USP42: variants seen among roughly 807,000 people sequenced by gnomAD.
The protein encoded by USP42 is ubiquitin specific peptidase 42, also known as ubiquitin carboxyl-terminal hydrolase 42.
Under a neutral mutation model 113.0 loss-of-function variants are expected in USP42, and 23 were observed. That is an observed-to-expected ratio of 0.20 (90% CI 0.15 to 0.29). The LOEUF is 0.29. Among genes scored for constraint, USP42 ranks in the 10% least tolerant of loss-of-function variants. The pLI is 1.00. For missense variants in USP42, 2,174 were observed against 1,779.8 expected, an observed-to-expected ratio of 1.22 and a Z score of -3.99; for synonymous variants, 933 against 699.0, an observed-to-expected ratio of 1.33 and a Z score of -5.28.
chr7:6,123,980 T>G (rs1371668267), intron 3 of USP42, among the ~76,000 whole-genome samples: 1 of 152,062 alleles, frequency 6.6e-6, no homozygotes, highest in African/African-American at 2.4e-5. Context: ...GGTTCAACTC[T>G]GCCTCCTGCC....
In USP42 at chr7:6,157,585, A is replaced by G. The variant is rs886143793; in HGVS notation, c.3943+530A>G. Among the ~76,000 whole-genome samples the G allele has an allele frequency of 6.6e-6, 1 of 152,078 alleles. No individual in the cohort carries two copies. Among genetic ancestry groups the G allele is most frequent in the African/African-American group, 2.4e-5 (1 of 41,462 alleles). ...GCTAAATTTTGTGTTTTTAGTAGAG[A>G]CGGTGTTTCACCGTGTTAGCCAGGA... is the stretch of plus-strand genomic sequence containing the variant. On this transcript the variant is annotated intron_variant, in intron 16 of 17. Transcript: ENST00000306177. This position sits in a 1 kb window ranked among gnomAD's most constrained non-coding sequence, Gnocchi z 4.1.
chr7:6,101,224 G>A (rs527532761), upstream of USP42, among the ~76,000 whole-genome samples: 2 of 151,144 alleles, frequency 1.3e-5, no homozygotes, highest in East Asian at 3.9e-4. Flanking sequence ...GACAAGGGAT[G>A]GAAGCATCCG....
chr7:6,115,576 T>C, intron 3 of USP42, 53 bp downstream of exon 3: 2 of 1,576,000 alleles, frequency 1.3e-6, no homozygotes, highest in South Asian at 1.1e-5. Context: ...CCTACTTTCA[T>C]TTTTTCCTCT....
Position 6,115,305 on chromosome 7 carries a change from T to C in USP42, c.242-18T>C. On this transcript the variant is annotated intron_variant, in intron 2 of 17. Coordinates refer to ENST00000306177, the MANE Select transcript of USP42 (RefSeq NM_032172.3). ...ATGCAAAGCTTGGTTTCTGACTCTT[T>C]CTTGTTTATTTTTCTAGCCCTAGGT... The C allele has an allele frequency of 6.2e-7, 1 of 1,612,670 alleles. No homozygotes were observed. The highest frequency in any genetic ancestry group is 8.5e-7 in the Non-Finnish European group (1 of 1,179,404).
At position 6,154,652 on chromosome 7, in the gene USP42, T is replaced by C; in HGVS notation, c.3098T>C (p.Val1033Ala). Residue 1033 changes from valine (V) to alanine (A), a missense_variant, in exon 15 of 18, where the codon GTC (valine) becomes GCC (alanine). By Grantham distance (64) the Val-to-Ala change is moderately conservative (BLOSUM62 0). Coordinates refer to ENST00000306177, the MANE Select transcript of USP42 (RefSeq NM_032172.3). ...CGGAGCGGGGTGGAGCTGGACTGGG[T>C]CAGACACCACTACACCGAGGGCGAG... ...RHRSGVELDW[V>A]RHHYTEGERG... 6.2e-7 allele frequency: 1 copy of C among 1,606,104 alleles called. No individual in the cohort carries two copies. Among genetic ancestry groups the C allele is most frequent in the South Asian group, 1.1e-5 (1 of 89,750 alleles).
Position 6,144,246 on chromosome 7 carries a change from T to G in USP42, c.990+50T>G, listed in dbSNP as rs763081290. The G allele has an allele frequency of 3.2e-6, 4 of 1,257,884 alleles. No homozygotes were observed. In the East Asian group the frequency reaches 1.0e-4, roughly 32 times the overall value. 77.9% of individuals were successfully genotyped at this position (1,257,884 alleles called of 1,614,324 possible). ...TGTTTTATGTCGAGCCTTTCGAAGC[T>G]TAACGTGTCTGTAGCTATTAAGGAT... On this transcript the variant is annotated intron_variant, in intron 9 of 17. Transcript: ENST00000306177.
chr7:6,090,090 G>A, the USP42 span, among the ~76,000 whole-genome samples: 3 of 145,906 alleles, frequency 2.1e-5, no homozygotes, highest in African/African-American at 7.8e-5. Context: ...ACCTGAGATC[G>A]GGAGTTCGAG....
At chr7:6,115,642 ATTC>A (rs1339686482) in intron 3 of USP42, 119 bp downstream of exon 3, 18 of 1,266,666 alleles carry the variant, frequency 1.4e-5, no homozygotes, top group Non-Finnish European at 1.7e-5. Context: ...AAGTTGGTTT[ATTC>A]TTTTAGAAAC....
intron 3 of USP42, among the ~76,000 whole-genome samples, chr7:6,129,534 G>A (rs1436633682): frequency 6.9e-6 from 1 of 144,982 alleles, no homozygotes. Flanking sequence ...TCCAGGCTGG[G>A]TGACAAAGTG....
intron 3 of USP42, among the ~76,000 whole-genome samples, chr7:6,126,614 T>G (rs1481864253): frequency 6.6e-6 from 1 of 152,212 alleles, no homozygotes; most frequent in Non-Finnish European, 1.5e-5. Context: ...TAACTACTTT[T>G]CCATTAAAGG....
chr7:6,154,144 G>A lies in USP42; in HGVS notation c.2590G>A (p.Glu864Lys), dbSNP rs753820844. 1 of 1,595,792 alleles carries A rather than the reference G, an allele frequency of 6.3e-7. No individual in the cohort carries two copies. The highest frequency in any genetic ancestry group is 1.3e-5 in the African/African-American group (1 of 74,698). The change falls in exon 15 of 18, where the codon GAG becomes AAG. Residue 864 changes from glutamate (E) to lysine (K), a missense_variant. By Grantham distance (56) the Glu-to-Lys change is moderately conservative (BLOSUM62 1). Coordinates refer to ENST00000306177, the MANE Select transcript of USP42 (RefSeq NM_032172.3). ...GLSPAPPARSEEPCEQPLLVH... is the reference protein window; with the variant it reads ...GLSPAPPARSKEPCEQPLLVH... The stretch of plus-strand genomic sequence containing the variant: ...GAGTCCGGCTCCGCCTGCGCGGTCG[G>A]AGGAGCCCTGCGAGCAGCCACTCCT...
chr7:6,105,625 G>T (rs1779236658), intron 1 of USP42, among the ~76,000 whole-genome samples: 1 of 152,142 alleles, frequency 6.6e-6, no homozygotes, highest in South Asian at 2.1e-4. Flanking sequence ...TCCGTGGAGA[G>T]TCCGAGGTGC....
chr7:6,139,427 A>T lies in USP42; in HGVS notation c.656+233A>T, dbSNP rs947908024. ...GTTGGCTCAATCATAGATGTCAGGA[A>T]ATAAACATTGGTCTTGCAGCTATTT... On this transcript the variant is annotated intron_variant, in intron 5 of 17. Coordinates refer to ENST00000306177, the MANE Select transcript of USP42 (RefSeq NM_032172.3). The surrounding 1 kb of genome is among the most constrained non-coding windows in gnomAD (Gnocchi z 4.5). 2.5e-6 allele frequency: 1 copy of T among 401,698 alleles called. No individual in the cohort carries two copies. The highest frequency in any genetic ancestry group is 2.1e-5 in the African/African-American group (1 of 47,960). The allele number at this position is 401,698 out of a possible 1,614,324, so 24.9% of individuals were successfully genotyped here. A position where few individuals can be genotyped will look rare whatever the true frequency, so the allele number is the denominator to read the frequency against.
In USP42 at chr7:6,149,883, G is replaced by A. The variant is rs752501237; in HGVS notation, c.1687G>A (p.Val563Ile). The A allele has an allele frequency of 6.2e-7, 1 of 1,614,036 alleles. No individual in the cohort carries two copies. The highest frequency in any genetic ancestry group is 1.7e-5 in the Admixed American group (1 of 60,024). The change falls in exon 13 of 18, where the codon GTA becomes ATA. Residue 563 changes from valine (V) to isoleucine (I), a missense_variant. Coordinates refer to ENST00000306177, the MANE Select transcript of USP42 (RefSeq NM_032172.3). The part of the protein sequence containing the change: ...VPSSTITNSA[V>I]QSTSNASTMS... ...CTCTTCTACCATTACCAATTCTGCAGTACAGTCTACCTCGAACGCATCTAC... is the reference window on the plus strand; with the variant it reads ...CTCTTCTACCATTACCAATTCTGCAATACAGTCTACCTCGAACGCATCTAC...
At chr7:6,128,852 T>TCA (rs34154276) in intron 3 of USP42, among the ~76,000 whole-genome samples, 66,913 of 151,748 alleles carry the variant, frequency 0.44, 18,581 homozygotes, top group African/African-American at 0.77. Context: ...GGACAGGGTC[T>TCA]CTCTGTCACC....
chr7:6,151,804 T>G (rs998053412), intron 14 of USP42, among the ~76,000 whole-genome samples: 21 of 150,748 alleles, frequency 1.4e-4, no homozygotes, highest in Non-Finnish European at 1.2e-4. Flanking sequence ...TAGACTTCCA[T>G]GGGACTGGCA....
intron 14 of USP42, among the ~76,000 whole-genome samples, chr7:6,151,266 A>C (rs1376626560): frequency 6.6e-6 from 1 of 152,208 alleles, no homozygotes; most frequent in East Asian, 1.9e-4. Flanking sequence ...AACACTGCAC[A>C]CTTCAGCCGC....
intron 11 of USP42, 90 bp downstream of exon 11, chr7:6,146,338 A>T (rs531143064): frequency 8.2e-4 from 201 of 244,386 alleles, no homozygotes; most frequent in South Asian, 1.3e-3. Context: ...TCAGTGTTTT[A>T]AAAAAAAAAA....
In USP42 at chr7:6,135,890, C is replaced by G. The variant is rs368273741; in HGVS notation, c.492C>G (p.Thr164=). The G allele has an allele frequency of 1.7e-5, 28 of 1,610,406 alleles. No homozygotes were observed. Among genetic ancestry groups the G allele is most frequent in the Non-Finnish European group, 2.4e-5 (28 of 1,178,584 alleles). The stretch of plus-strand genomic sequence containing the variant: ...TGTGTACAATGCAAGCACATATTAC[C>G]CAGGCACTCAGTAATCCTGGGGACG... ...CMMCTMQAHI[T]QALSNPGDVI... Residue 164 remains threonine, a synonymous_variant, in exon 4 of 18, where the codon ACC becomes ACG. Transcript: ENST00000306177.
Sources: allele counts gnomAD v4.1 joint callset (sites outside exome capture counted in the v4.1 genomes callset), GRCh38; gene constraint gnomAD v4.1.1; non-coding constraint Gnocchi (gnomAD v3.1); transcripts MANE v1.5; gene names NCBI Gene and HGNC (gene_info 2026-07-23, HGNC 2026-07-21).